Variants in FOXN3 observed in about 807,000 individuals in gnomAD.
FOXN3 encodes forkhead box N3.
Under a neutral mutation model 38.4 loss-of-function variants are expected in FOXN3, and 7 were observed. The ratio of observed to expected loss-of-function variants is 0.18; its 90% CI spans 0.10 to 0.34. The LOEUF (loss-of-function observed/expected upper bound fraction) is 0.34, where lower values mean the gene tolerates loss of function less well. Ranked by LOEUF, FOXN3 falls within the 10% of genes least tolerant of loss-of-function variation. The pLI is 1.00. For missense variants in FOXN3, 456 were observed against 613.4 expected (o/e 0.74, Z 2.71); for synonymous variants, 230 against 242.2 (o/e 0.95, Z 0.47).
chr14:89,309,419 A>G (rs1887467426), intron 3 of FOXN3, among the ~76,000 whole-genome samples: 1 of 152,202 alleles, frequency 6.6e-6, no homozygotes, highest in African/African-American at 2.4e-5. Context: ...CGCTGTTTCC[A>G]TGACACGGGT....
rs1893396869 is a variant in FOXN3 at position 89,484,112 on chromosome 14, G to T, written c.-14-71622C>A. Among the ~76,000 whole-genome samples the T allele has an allele frequency of 6.6e-6, 1 of 152,190 alleles. No homozygotes were observed. Among genetic ancestry groups the T allele is most frequent in the African/African-American group, 2.4e-5 (1 of 41,448 alleles). On this transcript the variant is annotated intron_variant, in intron 1 of 6. Coordinates refer to the FOXN3 transcript ENST00000345097. The surrounding 1 kb of genome is among the most constrained non-coding windows in gnomAD (Gnocchi z 4.0). ...AGGTTTTATTTTAAGTTAAAGAGAT[G>T]AATGGAAATATCCAACTAGAGTGTG...
At chr14:89,306,575 G>A (rs933961436) in intron 3 of FOXN3, among the ~76,000 whole-genome samples, 3 of 151,962 alleles carry the variant, frequency 2.0e-5, no homozygotes, top group African/African-American at 4.8e-5. Context: ...CACTGTGTTA[G>A]CCAGCATGGT....
chr14:89,191,316 C>A (rs1887934986), intron 4 of FOXN3, among the ~76,000 whole-genome samples: 1 of 152,236 alleles, frequency 6.6e-6, no homozygotes, highest in African/African-American at 2.4e-5. Context: ...AAAAGAACAT[C>A]TGCCCCAGCG....
At chr14:89,265,972 T>C (rs1885967593) in intron 4 of FOXN3, among the ~76,000 whole-genome samples, 1 of 151,844 alleles carries the variant, frequency 6.6e-6, no homozygotes, top group African/African-American at 2.4e-5. Flanking sequence ...GAAGGAGGAG[T>C]GCAGGGTGGG....
At chr14:89,552,582 G>C (rs574248398) in intron 1 of FOXN3, among the ~76,000 whole-genome samples, 2 of 152,254 alleles carry the variant, frequency 1.3e-5, no homozygotes, top group East Asian at 3.9e-4. Context: ...GGGGAGGCTG[G>C]GCACAGTGGC....
At chr14:89,223,208 TGGGAG>T (rs1884523605) in intron 4 of FOXN3, 1 of 152,438 alleles carries the variant, frequency 6.6e-6, no homozygotes, top group Admixed American at 6.5e-5. Context: ...TCTATGAGGA[TGGGAG>T]GCCGAGGGTG....
chr14:89,439,657 CTTT>C (rs35535565), intron 1 of FOXN3, among the ~76,000 whole-genome samples: 2 of 136,254 alleles, frequency 1.5e-5, no homozygotes, highest in Admixed American at 7.3e-5. Flanking sequence ...TCTTTTATTC[CTTT>C]TTTTTTTTTT....
intron 1 of FOXN3, among the ~76,000 whole-genome samples, chr14:89,549,615 G>A (rs1278503991): frequency 6.6e-6 from 1 of 152,082 alleles, no homozygotes; most frequent in Non-Finnish European, 1.5e-5. Context: ...AGGTGGGGGC[G>A]GGGTGAGGGA....
intron 1 of FOXN3, among the ~76,000 whole-genome samples, chr14:89,434,706 C>A (rs1892237416): frequency 6.6e-6 from 1 of 152,182 alleles, no homozygotes; most frequent in African/African-American, 2.4e-5. Context: ...AATCCTCACC[C>A]TATTGCCTGC....
At chr14:89,255,214 T>C (rs1168989788) in intron 4 of FOXN3, among the ~76,000 whole-genome samples, 1 of 152,344 alleles carries the variant, frequency 6.6e-6, no homozygotes, top group Non-Finnish European at 1.5e-5. Context: ...TTAACACTTC[T>C]TTCAACACCA....
chr14:89,366,131 T>C (rs1890135589), intron 2 of FOXN3, among the ~76,000 whole-genome samples: 1 of 152,058 alleles, frequency 6.6e-6, no homozygotes, highest in South Asian at 2.1e-4. Context: ...CGGATGCCTG[T>C]AGTCCCAGCT....
chr14:89,555,881 G>GTGTGTGTGTGTGTGTGTGT (rs374731979), intron 1 of FOXN3, among the ~76,000 whole-genome samples: 5 of 115,458 alleles, frequency 4.3e-5, no homozygotes, highest in Non-Finnish European at 7.8e-5. Context: ...GTGTGTATGT[G>GTGTGTGTGTGTGTGTGTGT]GGGGTGTATG....
At chr14:89,569,650 T>C (rs1895449321) in intron 1 of FOXN3, among the ~76,000 whole-genome samples, 1 of 152,316 alleles carries the variant, frequency 6.6e-6, no homozygotes, top group South Asian at 2.1e-4. Context: ...AGGCCAGACA[T>C]TGTTCTAGGC....
intron 1 of FOXN3, among the ~76,000 whole-genome samples, chr14:89,450,626 C>T (rs186416147): frequency 6.6e-6 from 1 of 151,976 alleles, no homozygotes; most frequent in African/African-American, 2.4e-5. Context: ...CGCCCTGTCG[C>T]CCAGGCTGGA....
intron 5 of FOXN3, among the ~76,000 whole-genome samples, chr14:89,170,365 A>G (rs1045201278): frequency 2.0e-5 from 3 of 152,204 alleles, no homozygotes; most frequent in African/African-American, 7.2e-5. Context: ...ATAAACATAG[A>G]ACATGTGCTA....
intron 5 of FOXN3, among the ~76,000 whole-genome samples, chr14:89,176,938 T>C (rs12432250): frequency 0.53 from 80,661 of 151,720 alleles, 21,480 homozygotes; most frequent in South Asian, 0.59. Context: ...AAGTTCAGAA[T>C]TGGTATTTGG....
intron 5 of FOXN3, among the ~76,000 whole-genome samples, chr14:89,175,462 C>A (rs1887496722): frequency 6.6e-6 from 1 of 152,190 alleles, no homozygotes; most frequent in East Asian, 1.9e-4. Context: ...AGGAAGGAAA[C>A]CTGGGAAGGT....
chr14:89,297,559 C>CTAAAAAAAAA (rs1887081957), intron 3 of FOXN3, among the ~76,000 whole-genome samples: 1 of 103,556 alleles, frequency 9.7e-6, no homozygotes, highest in Non-Finnish European at 2.0e-5. Flanking sequence ...GACTCCCTTT[C>CTAAAAAAAAA]AAAAAAAAAA....
rs991265799 is a variant in FOXN3 at position 89,220,793 on chromosome 14, C to T, written c.746-39987G>A. ...AAGTGTTAATACATGCTTTGAAAGA[C>T]GGCCAGAAGAATGCCCTGAGAACCA... On this transcript the variant is annotated intron_variant, in intron 4 of 5. Coordinates refer to ENST00000557258, the MANE Select transcript of FOXN3 (RefSeq NM_005197.4). 5.3e-5 allele frequency among the ~76,000 whole-genome samples: 8 copies of T among 152,112 alleles called. No homozygotes were observed. The East Asian group carries it at 5.8e-4, about 11-fold the overall frequency.
Sources: allele counts gnomAD v4.1 joint callset (sites outside exome capture counted in the v4.1 genomes callset), GRCh38; gene constraint gnomAD v4.1.1; non-coding constraint Gnocchi (gnomAD v3.1); transcripts MANE v1.5; gene names NCBI Gene and HGNC (gene_info 2026-07-23, HGNC 2026-07-21).